Variants in SOX5 observed in about 807,000 individuals in gnomAD.
The protein encoded by SOX5 is transcription factor SOX-5.
A neutral mutation model predicts 92.0 loss-of-function variants in SOX5; 9 were observed. The ratio of observed to expected loss-of-function variants is 0.10; its 90% CI spans 0.06 to 0.17. SOX5 has a LOEUF of 0.17. Among genes scored for constraint, SOX5 ranks in the 10% least tolerant of loss-of-function variants. SOX5 has a pLI of 1.00. For missense variants in SOX5, 642 were observed against 944.5 expected, an observed-to-expected ratio of 0.68 and a Z score of 4.20; for synonymous variants, 344 against 336.3, an observed-to-expected ratio of 1.02 and a Z score of -0.25.
chr12:23,711,983 C>A (rs772498701), intron 6 of SOX5, among the ~76,000 whole-genome samples: 16 of 152,252 alleles, frequency 1.1e-4, no homozygotes, highest in Non-Finnish European at 2.2e-4. Flanking sequence ...GATATATTAT[C>A]TGTATCTTAG....
intron 4 of SOX5, among the ~76,000 whole-genome samples, chr12:23,980,605 C>A (rs951465739): frequency 6.6e-6 from 1 of 152,126 alleles, no homozygotes; most frequent in Admixed American, 6.5e-5. Context: ...AAAACATCTG[C>A]CAAATGACAA....
At chr12:24,559,033 A>G (rs2139059473) in intron 1 of SOX5, among the ~76,000 whole-genome samples, 1 of 152,322 alleles carries the variant, frequency 6.6e-6, no homozygotes, top group Non-Finnish European at 1.5e-5. Context: ...ATGAAAACCA[A>G]ATGCAGACAA....
chr12:24,507,707 A>G (rs1320297890), intron 1 of SOX5, among the ~76,000 whole-genome samples: 3 of 152,198 alleles, frequency 2.0e-5, no homozygotes, highest in Admixed American at 2.0e-4. Context: ...GAAAATGTCC[A>G]TATTTTTGAA....
rs143446388 is a variant in SOX5, at chr12:23,818,838, C to A, written c.481+27145G>T. Among the ~76,000 whole-genome samples the A allele has an allele frequency of 5.2e-3, 786 of 152,026 alleles. 10 individuals are homozygous for A. Among genetic ancestry groups the A allele is most frequent in the African/African-American group, 0.018 (729 of 41,468 alleles). ...TACATTTTTGTTAAACACTAAGAAA[C>A]AAACACACAGGGACTACACGGGGCC... On this transcript the variant is annotated intron_variant, in intron 3 of 14. Transcript: ENST00000451604.
chr12:23,881,842 C>A (rs1025253348), intron 2 of SOX5, among the ~76,000 whole-genome samples: 3 of 151,220 alleles, frequency 2.0e-5, no homozygotes, highest in Non-Finnish European at 4.4e-5. Context: ...GTAGTTCTCT[C>A]TGTGTGAAGC....
intron 4 of SOX5, among the ~76,000 whole-genome samples, chr12:24,001,400 A>G (rs1422350610): frequency 6.6e-6 from 1 of 152,190 alleles, no homozygotes; most frequent in Non-Finnish European, 1.5e-5. Flanking sequence ...CCTAAATTAG[A>G]TTAAATCTAA....
chr12:24,232,927 T>G (rs1217806162), intron 3 of SOX5, among the ~76,000 whole-genome samples: 1 of 152,226 alleles, frequency 6.6e-6, no homozygotes, highest in African/African-American at 2.4e-5. Flanking sequence ...CTACTGGTAT[T>G]AAATGGAAGC....
At chr12:23,962,036 A>C (rs1947002094) in intron 4 of SOX5, among the ~76,000 whole-genome samples, 1 of 152,238 alleles carries the variant, frequency 6.6e-6, no homozygotes, top group African/African-American at 2.4e-5. Context: ...GTTACATTGA[A>C]TTTCACATAA....
At chr12:24,283,578 T>C (rs1298203857) in intron 2 of SOX5, among the ~76,000 whole-genome samples, 1 of 152,206 alleles carries the variant, frequency 6.6e-6, no homozygotes, top group African/African-American at 2.4e-5. Context: ...ATTGTTAATA[T>C]TAAACTCCGT....
chr12:24,317,690 C>A (rs1247737874), intron 2 of SOX5, among the ~76,000 whole-genome samples: 1 of 152,198 alleles, frequency 6.6e-6, no homozygotes, highest in Admixed American at 6.5e-5. Context: ...ACAACAGCTC[C>A]ACCTTCACTC....
rs138084007 is a variant in SOX5, at chr12:24,501,299, G to T, written c.-251+61030C>A. 1.1e-4 allele frequency among the ~76,000 whole-genome samples: 16 copies of T among 151,784 alleles called. 1 individual carries two copies. Among genetic ancestry groups the T allele is most frequent in the African/African-American group, 3.9e-4 (16 of 41,374 alleles). ...TTATTTTCCACAAAGATGCCCACTT[G>T]GTTGTCAGGGATAAAGGACCAGGAT... On this transcript the variant is annotated intron_variant, in intron 1 of 4. Transcript: ENST00000446891.
intron 3 of SOX5, chr12:23,762,476 T>G (rs960278618): frequency 2.1e-5 from 9 of 423,500 alleles, no homozygotes; most frequent in African/African-American, 1.8e-4. Flanking sequence ...TCCATAGCAT[T>G]AAGATTTAGA....
intron 1 of SOX5, among the ~76,000 whole-genome samples, chr12:23,935,558 G>A (rs911462363): frequency 6.6e-6 from 1 of 151,144 alleles, no homozygotes; most frequent in Admixed American, 6.6e-5. Context: ...CTCCCAGTAA[G>A]GAGAACTGGA....
intron 2 of SOX5, 120 bp downstream of exon 2, chr12:23,895,673 A>G: frequency 1.4e-6 from 1 of 695,164 alleles, no homozygotes. Flanking sequence ...CCAGGGGTGA[A>G]TCTTGTGCAT....
At chr12:24,177,444 T>C (rs751397390) in intron 4 of SOX5, among the ~76,000 whole-genome samples, 6 of 152,202 alleles carry the variant, frequency 3.9e-5, no homozygotes, top group Non-Finnish European at 5.9e-5. Context: ...TTATGGGGTA[T>C]TGTCTAAACA....
chr12:23,919,425 A>G (rs749646621), intron 1 of SOX5, among the ~76,000 whole-genome samples: 1 of 152,192 alleles, frequency 6.6e-6, no homozygotes, highest in Non-Finnish European at 1.5e-5. Flanking sequence ...CAATATTAGA[A>G]CTATCTCAAA....
chr12:23,887,925 G>GTGTGTT (rs1568648687), intron 2 of SOX5, among the ~76,000 whole-genome samples: 1 of 151,110 alleles, frequency 6.6e-6, no homozygotes, highest in African/African-American at 2.4e-5. Context: ...ATATGTGTGT[G>GTGTGTT]TGTGTGTGTG....
chr12:24,299,683 A>C (rs1947729558), intron 2 of SOX5, among the ~76,000 whole-genome samples: 1 of 152,200 alleles, frequency 6.6e-6, no homozygotes, highest in Non-Finnish European at 1.5e-5. Flanking sequence ...TGGCTCATGA[A>C]CGTGAATTCA....
chr12:23,977,974 C>G (rs1239568341), intron 4 of SOX5, among the ~76,000 whole-genome samples: 1 of 152,188 alleles, frequency 6.6e-6, no homozygotes, highest in African/African-American at 2.4e-5. Context: ...TCCAAACAAA[C>G]TACTTGAAAC....
Sources: gnomAD v4.1 joint callset for allele counts (sites outside exome capture counted in the v4.1 genomes callset) on GRCh38, gnomAD v4.1.1 for gene constraint, MANE v1.5 for transcripts, NCBI Gene and HGNC (gene_info 2026-07-23, HGNC 2026-07-21) for gene names.